Variants in ZNF577 observed in about 807,000 individuals in gnomAD.
ZNF577 encodes the protein zinc finger protein 577.
Under a neutral mutation model 13.9 loss-of-function variants are expected in ZNF577, and 14 were observed. That is an observed-to-expected ratio of 1.00 (90% CI 0.66 to 1.57). The LOEUF is 1.57. Ranked by LOEUF, ZNF577 falls within the 40% of genes most tolerant of loss-of-function variation. The pLI, the probability that ZNF577 is intolerant of heterozygous loss-of-function variation, is 0.00. For synonymous variants in ZNF577, 203 were observed against 202.9 expected (o/e 1.00, Z 0.00); for missense variants, 555 against 579.2 (o/e 0.96, Z 0.43).
chr19:51,854,184 A>T (rs2084395459), intron 5 of ZNF577, among the ~76,000 whole-genome samples: 1 of 152,154 alleles, frequency 6.6e-6, no homozygotes, highest in South Asian at 2.1e-4. Context: ...AATAAAGTAG[A>T]GGTTCTGTCT....
intron 9 of ZNF577, among the ~76,000 whole-genome samples, chr19:51,838,278 T>C (rs777528700): frequency 2.0e-5 from 3 of 152,104 alleles, no homozygotes; most frequent in Non-Finnish European, 2.9e-5. Flanking sequence ...CAATTCTAGA[T>C]GGAAATTTTT....
intron 9 of ZNF577, among the ~76,000 whole-genome samples, chr19:51,811,915 C>T (rs1354848180): frequency 1.3e-5 from 2 of 152,122 alleles, no homozygotes; most frequent in Non-Finnish European, 2.9e-5. Flanking sequence ...TTGGTCATAT[C>T]CCATGGGGTC....
At chr19:51,884,525 T>C (rs2084912661) in intron 1 of ZNF577, among the ~76,000 whole-genome samples, 1 of 152,128 alleles carries the variant, frequency 6.6e-6, no homozygotes, top group Non-Finnish European at 1.5e-5. Context: ...ATGAGTTCTA[T>C]CTAATCTTTA....
In ZNF577 at chr19:51,877,348, A is replaced by G; in HGVS notation, c.217T>C (p.Phe73Leu). The G allele has an allele frequency of 6.2e-7, 1 of 1,614,146 alleles. No individual in the cohort carries two copies. The highest frequency in any genetic ancestry group is 8.5e-7 in the Non-Finnish European group (1 of 1,180,008). Residue 73 changes from phenylalanine (F) to leucine (L), a missense_variant, in exon 5 of 6, where the codon TTC (phenylalanine) becomes CTC (leucine). By Grantham distance (22) the Phe-to-Leu change is conservative. Coordinates refer to ENST00000638348, the MANE Select transcript of ZNF577 (RefSeq NM_001370449.1). ...GGGGGTTCTCCTTGCTCCAACTTGA[A>G]GAGCGAATCTGGCTTGGTGCCTCGA... is the stretch of plus-strand genomic sequence containing the variant. ...GYRGTKPDSL[F>L]KLEQGEPPGI...
In ZNF577 at chr19:51,824,902, AC is replaced by A; in HGVS notation, c.*600-13229del. 1.1e-6 allele frequency: 1 copy of A among 943,794 alleles called. No individual in the cohort carries two copies. Among genetic ancestry groups the A allele is most frequent in the Non-Finnish European group, 1.6e-6 (1 of 632,984 alleles). The allele number at this position is 943,794 out of a possible 1,614,324, so 58.5% of individuals were successfully genotyped here. ...AGTGTTTTTCTTCCTCTTTCATACC[AC>A]CACCACCACAATCATCAACATAAAG... On this transcript the variant is annotated intron_variant and NMD_transcript_variant, in intron 9 of 10. Coordinates refer to the ZNF577 transcript ENST00000638827. The surrounding 1 kb of genome is among the most constrained non-coding windows in gnomAD (Gnocchi z 4.7).
At chr19:51,853,826 T>C (rs2084392345) in intron 5 of ZNF577, among the ~76,000 whole-genome samples, 1 of 152,178 alleles carries the variant, frequency 6.6e-6, no homozygotes, top group African/African-American at 2.4e-5. Flanking sequence ...CGTGAAGGTG[T>C]TGTGCTTTGT....
At position 51,887,938 on chromosome 19, in the gene ZNF577, C is replaced by G. The variant is rs1245997905; in HGVS notation, c.-1336G>C. 6.6e-6 allele frequency: 1 copy of G among 152,260 alleles called. No homozygotes were observed. Among genetic ancestry groups the G allele is most frequent in the Non-Finnish European group, 1.5e-5 (1 of 68,060 alleles). 9.4% of individuals were successfully genotyped at this position (152,260 alleles called of 1,614,324 possible). Reference sequence around the variant, plus strand: ...CGAACCCCACACACTGCAGACGCGACACTCGCAAGTTTCGGGGATGGCGGC... The same window carrying G: ...CGAACCCCACACACTGCAGACGCGAGACTCGCAAGTTTCGGGGATGGCGGC... On this transcript the variant is annotated 5_prime_UTR_variant, in exon 1 of 6. Transcript: ENST00000638348.
chr19:51,857,802 C>G (rs185368860), intron 5 of ZNF577, among the ~76,000 whole-genome samples: 114 of 152,068 alleles, frequency 7.5e-4, no homozygotes, highest in African/African-American at 2.6e-3. Context: ...CTCTAAGAAC[C>G]TATTATCTCA....
Position 51,873,332 on chromosome 19 carries a change from C to T in ZNF577, c.658G>A (p.Gly220Arg), listed in dbSNP as rs754738797. Residue 220 changes from glycine to arginine, a missense_variant, in exon 6 of 6, where the codon GGA becomes AGA. Gly to Arg is a moderately radical substitution (Grantham distance 125). Coordinates refer to ENST00000638348, the MANE Select transcript of ZNF577 (RefSeq NM_001370449.1). ...TGTGACTTTCTGGAGAAGGCTTTTC[C>T]ACATTCACTACATTCATGGGGCTTC... Reference protein sequence around the residue: ...GEKPHECSECGKAFSRKSQLM... With the variant: ...GEKPHECSECRKAFSRKSQLM... The T allele has an allele frequency of 2.5e-6, 4 of 1,614,212 alleles. No individual in the cohort carries two copies. Among genetic ancestry groups the T allele is most frequent in the Non-Finnish European group, 3.4e-6 (4 of 1,180,024 alleles).
At chr19:51,861,300 T>C (rs1034987655) in intron 5 of ZNF577, 1 of 167,802 alleles carries the variant, frequency 6.0e-6, no homozygotes, top group African/African-American at 2.4e-5. Context: ...TTTTTTTTTT[T>C]TTGTATTTTT....
chr19:51,837,593 T>A (rs146952163), intron 9 of ZNF577, among the ~76,000 whole-genome samples: 1 of 152,338 alleles, frequency 6.6e-6, no homozygotes, highest in African/African-American at 2.4e-5. Flanking sequence ...TTATGCTAAG[T>A]GCACAAAGTC....
chr19:51,814,608 C>T (rs1019236069), intron 9 of ZNF577, among the ~76,000 whole-genome samples: 3 of 152,040 alleles, frequency 2.0e-5, no homozygotes, highest in African/African-American at 7.3e-5. Context: ...ATTCTCCTGC[C>T]GCAGTCTCCT....
Position 51,869,752 on chromosome 19 carries a change from C to T in ZNF577, c.*2780G>A, listed in dbSNP as rs139179379. Among the ~76,000 whole-genome samples the T allele has an allele frequency of 3.6e-4, 55 of 152,302 alleles. No homozygotes were observed. The East Asian group carries it at 9.6e-3, about 27-fold the overall frequency. Reference sequence around the variant, plus strand: ...TGTGTGCCAGAAACCCCTACAGGGGCTAAACAGTCAAGACACACCAGCCGC... The same window carrying T: ...TGTGTGCCAGAAACCCCTACAGGGGTTAAACAGTCAAGACACACCAGCCGC... On this transcript the variant is annotated 3_prime_UTR_variant, in exon 6 of 6. Coordinates refer to ENST00000638348, the MANE Select transcript of ZNF577 (RefSeq NM_001370449.1).
intron 5 of ZNF577, among the ~76,000 whole-genome samples, chr19:51,875,639 A>G (rs1325146812): frequency 6.6e-6 from 1 of 152,168 alleles, no homozygotes; most frequent in Non-Finnish European, 1.5e-5. Context: ...TACTTTTTCT[A>G]TGTGGCTGGG....
At chr19:51,819,217 A>G (rs2084169561) in intron 9 of ZNF577, among the ~76,000 whole-genome samples, 1 of 152,208 alleles carries the variant, frequency 6.6e-6, no homozygotes, top group African/African-American at 2.4e-5. Flanking sequence ...AGTTTGGGCA[A>G]TGTTGGGTTT....
chr19:51,815,905 AAAAG>A (rs1317892416), intron 9 of ZNF577, among the ~76,000 whole-genome samples: 3 of 151,256 alleles, frequency 2.0e-5, no homozygotes, highest in Non-Finnish European at 4.4e-5. Flanking sequence ...GAAGAAAAAG[AAAAG>A]AAAAGAAATT....
At position 51,887,530 on chromosome 19, in the gene ZNF577, A is replaced by T. The variant is rs1196918719; in HGVS notation, c.-928T>A. The stretch of plus-strand genomic sequence containing the variant: ...CAAGGGGACCAGCAGACCCCTTTTT[A>T]AGTACGCATGTGATAAGCAATGAAC... On this transcript the variant is annotated 5_prime_UTR_variant, in exon 1 of 6. The change creates a premature stop within an existing upstream ORF in the 5' untranslated region. Coordinates refer to ENST00000638348, the MANE Select transcript of ZNF577 (RefSeq NM_001370449.1). 6.6e-6 allele frequency: 1 copy of T among 152,192 alleles called. No individual in the cohort carries two copies. The highest frequency in any genetic ancestry group is 1.5e-5 in the Non-Finnish European group (1 of 68,042). The allele number at this position is 152,192 out of a possible 1,614,324, so 9.4% of individuals were successfully genotyped here.
Position 51,820,861 on chromosome 19 carries a change from G to A in ZNF577, c.*600-9187C>T, listed in dbSNP as rs114221278. The stretch of plus-strand genomic sequence containing the variant: ...AAACTAAGGTTAGTCAATATTCACC[G>A]TGTCTCAAGGTGTGCTCAGTGCTCA... On this transcript the variant is annotated intron_variant and NMD_transcript_variant, in intron 9 of 10. Coordinates refer to the ZNF577 transcript ENST00000638827. 8.5e-3 allele frequency among the ~76,000 whole-genome samples: 1,297 copies of A among 152,296 alleles called. 22 individuals carry two copies. The highest frequency in any genetic ancestry group is 0.03 in the African/African-American group (1,237 of 41,566).
chr19:51,878,644 AG>A, intron 3 of ZNF577, 129 bp from the exon 4 acceptor site: 1 of 1,182,632 alleles, frequency 8.5e-7, no homozygotes. Context: ...CACATACCAA[AG>A]GACCATGGAA....
Sources: gnomAD v4.1 joint callset for allele counts (sites outside exome capture counted in the v4.1 genomes callset) on GRCh38, gnomAD v4.1.1 for gene constraint, Gnocchi (gnomAD v3.1) non-coding constraint, MANE v1.5 for transcripts, NCBI Gene and HGNC (gene_info 2026-07-23, HGNC 2026-07-21) for gene names.